The following MSRA variants were observed in gnomAD, a reference collection of about 807,000 sequenced individuals.
MSRA encodes the protein mitochondrial peptide methionine sulfoxide reductase.
A neutral mutation model predicts 31.3 loss-of-function variants in MSRA; 54 were observed. The observed-to-expected ratio is 1.73, with a 90% CI of 1.39 to 2.17. The LOEUF is 2.17. Ranked by LOEUF, MSRA falls within the 30% of genes most tolerant of loss-of-function variation. The pLI, the probability that MSRA is intolerant of heterozygous loss-of-function variation, is 0.00. For missense variants in MSRA, 507 were observed against 300.9 expected (o/e 1.69, Z -5.07); for synonymous variants, 169 against 116.5 (o/e 1.45, Z -2.90).
intron 5 of MSRA, chr8:10,336,805 G>C (rs2129147463): frequency 6.6e-6 from 1 of 152,290 alleles, no homozygotes; most frequent in South Asian, 2.1e-4. Flanking sequence ...GCCACATTGA[G>C]GCAATTGAAC....
At chr8:10,120,806 T>G (rs371606033) in intron 1 of MSRA, among the ~76,000 whole-genome samples, 2 of 152,330 alleles carry the variant, frequency 1.3e-5, no homozygotes, top group South Asian at 2.1e-4. Context: ...CTGTGGCTGC[T>G]GGGCTGGCTA....
At chr8:10,383,042 G>A (rs550723083) in intron 5 of MSRA, among the ~76,000 whole-genome samples, 46 of 152,286 alleles carry the variant, frequency 3.0e-4, no homozygotes, top group African/African-American at 1.1e-3. Flanking sequence ...CCTAAAGATC[G>A]GAAACAGGCA....
intron 4 of MSRA, among the ~76,000 whole-genome samples, chr8:10,316,358 G>A (rs1456760621): frequency 6.6e-6 from 1 of 152,090 alleles, no homozygotes; most frequent in Non-Finnish European, 1.5e-5. Flanking sequence ...CTCTCTGAGT[G>A]TCAGTTTCAC....
chr8:10,098,957 G>C (rs1364373691), intron 1 of MSRA, among the ~76,000 whole-genome samples: 1 of 152,166 alleles, frequency 6.6e-6, no homozygotes, highest in African/African-American at 2.4e-5. Context: ...GTTTTCTGTT[G>C]TGAGACAAAG....
At chr8:10,380,346 G>A (rs1563414022) in intron 5 of MSRA, among the ~76,000 whole-genome samples, 1 of 152,216 alleles carries the variant, frequency 6.6e-6, no homozygotes, top group African/African-American at 2.4e-5. Flanking sequence ...CCTGGCGTTT[G>A]GGTAGACAAC....
rs112450340 is a variant in MSRA at position 10,170,388 on chromosome 8, A to T, written c.143-37445A>T. Among the ~76,000 whole-genome samples the T allele has an allele frequency of 3.2e-3, 485 of 152,250 alleles. 2 individuals are homozygous for T. Among genetic ancestry groups the T allele is most frequent in the African/African-American group, 0.011 (465 of 41,548 alleles). Reference sequence around the variant, plus strand: ...TGCGCCTTCTGTGATGTGAGAACACAGTGAGAAGATAGCCATCTATGAATT... The same window carrying T: ...TGCGCCTTCTGTGATGTGAGAACACTGTGAGAAGATAGCCATCTATGAATT... On this transcript the variant is annotated intron_variant, in intron 1 of 5. Transcript: ENST00000317173.
chr8:10,165,613 A>C (rs1585073048), intron 1 of MSRA, among the ~76,000 whole-genome samples: 1 of 152,304 alleles, frequency 6.6e-6, no homozygotes, highest in East Asian at 1.9e-4. Flanking sequence ...CAATTTCCTG[A>C]TAAAATGAAA....
At chr8:10,071,859 G>A (rs748950047) in intron 1 of MSRA, among the ~76,000 whole-genome samples, 1 of 152,064 alleles carries the variant, frequency 6.6e-6, no homozygotes, top group Non-Finnish European at 1.5e-5. Context: ...ATCTCAGTAC[G>A]AGAGTCTCCA....
chr8:10,202,987 C>T (rs1808633635), intron 1 of MSRA, among the ~76,000 whole-genome samples: 1 of 151,996 alleles, frequency 6.6e-6, no homozygotes, highest in Non-Finnish European at 1.5e-5. Flanking sequence ...CAGTTCTGTC[C>T]TGTCTCCTGC....
At chr8:10,324,554 A>G (rs1195628992) in intron 5 of MSRA, among the ~76,000 whole-genome samples, 1 of 152,180 alleles carries the variant, frequency 6.6e-6, no homozygotes. Context: ...TTCAGGAACC[A>G]AAGTGTCTCT....
chr8:10,238,357 CT>C (rs1430135679), intron 2 of MSRA, among the ~76,000 whole-genome samples: 3 of 152,166 alleles, frequency 2.0e-5, no homozygotes, highest in Non-Finnish European at 4.4e-5. Flanking sequence ...TTTTATAGCT[CT>C]TGTTACCTTC....
intron 1 of MSRA, among the ~76,000 whole-genome samples, chr8:10,113,287 G>GTTTTTTTTTTTT (rs1412167930): frequency 7.4e-3 from 46 of 6,190 alleles, no homozygotes; most frequent in Admixed American, 0.017. Flanking sequence ...GTGAAGACAG[G>GTTTTTTTTTTTT]TCTTCTTTTT....
intron 5 of MSRA, among the ~76,000 whole-genome samples, chr8:10,339,844 A>T (rs1803307915): frequency 6.6e-6 from 1 of 151,972 alleles, no homozygotes; most frequent in Non-Finnish European, 1.5e-5. Context: ...CCCGGCAGCA[A>T]GGGGTTTTCA....
chr8:10,390,728 G>A (rs1436693074), intron 5 of MSRA, among the ~76,000 whole-genome samples: 1 of 152,102 alleles, frequency 6.6e-6, no homozygotes, highest in Non-Finnish European at 1.5e-5. Flanking sequence ...ATGAGGGGAT[G>A]GGCACTGACT....
At chr8:10,281,358 A>T (rs1217315726) in intron 3 of MSRA, among the ~76,000 whole-genome samples, 1 of 152,242 alleles carries the variant, frequency 6.6e-6, no homozygotes, top group Admixed American at 6.5e-5. Flanking sequence ...TGGATTATTT[A>T]TCAAAAAGGA....
chr8:10,222,551 A>T (rs1034763782), intron 2 of MSRA, among the ~76,000 whole-genome samples: 1 of 152,220 alleles, frequency 6.6e-6, no homozygotes, highest in Non-Finnish European at 1.5e-5. Context: ...TCATACTCTC[A>T]CGTTCATTGA....
chr8:10,219,929 G>A lies in MSRA; in HGVS notation c.211+12028G>A, dbSNP rs1284940904. ...AGGCAATCAAAATCAAACAGTGCCA[G>A]TTCTTTTTTTTCAGGAATAACTGGA... On this transcript the variant is annotated intron_variant, in intron 2 of 5. Coordinates refer to ENST00000317173, the MANE Select transcript of MSRA (RefSeq NM_012331.5). Among the ~76,000 whole-genome samples, 3 of 150,308 alleles carry A rather than the reference G, an allele frequency of 2.0e-5. No homozygotes were observed. In the East Asian group the frequency reaches 5.8e-4, roughly 29 times the overall value.
chr8:10,419,971 C>A (rs1000496180), intron 5 of MSRA, among the ~76,000 whole-genome samples: 4 of 152,116 alleles, frequency 2.6e-5, no homozygotes, highest in South Asian at 4.2e-4. Context: ...GCTGCTGATA[C>A]AACAGGCTGG....
At chr8:10,283,502 T>C (rs1799746016) in intron 3 of MSRA, among the ~76,000 whole-genome samples, 1 of 151,962 alleles carries the variant, frequency 6.6e-6, no homozygotes, top group African/African-American at 2.4e-5. Flanking sequence ...GAGTGCATTC[T>C]TTAGTGGTGA....
Sources: allele counts gnomAD v4.1 joint callset (sites outside exome capture counted in the v4.1 genomes callset), GRCh38; gene constraint gnomAD v4.1.1; transcripts MANE v1.5; gene names NCBI Gene and HGNC (gene_info 2026-07-23, HGNC 2026-07-21).